SRD5A1: variants seen among roughly 807,000 people sequenced by gnomAD.
SRD5A1 encodes steroid 5 alpha-reductase 1.
SRD5A1 carries 22 observed loss-of-function variants against 28.2 expected under a neutral mutation model. That is an observed-to-expected ratio of 0.78 (90% CI 0.56 to 1.12). The LOEUF is 1.12. Ranked by LOEUF, SRD5A1 falls within the 50% of genes most tolerant of loss-of-function variation. The pLI is 0.00. For synonymous variants in SRD5A1, 151 were observed against 135.0 expected (o/e 1.12, Z -0.82); for missense variants, 300 against 346.7 (o/e 0.87, Z 1.07).
chr5:6,633,490 T>C lies in SRD5A1; in HGVS notation c.-87T>C. On this transcript the variant is annotated 5_prime_UTR_variant, in exon 1 of 5. Transcript: ENST00000274192. Reference sequence around the variant, plus strand: ...GGGACTCCGGTAGCCGCCCCTCCGGTAGCCGCCCCTCCTGCCCCCGCGCCG... The same window carrying C: ...GGGACTCCGGTAGCCGCCCCTCCGGCAGCCGCCCCTCCTGCCCCCGCGCCG... The C allele has an allele frequency of 7.4e-7, 1 of 1,353,066 alleles. No homozygotes were observed. The highest frequency in any genetic ancestry group is 9.5e-7 in the Non-Finnish European group (1 of 1,049,652). The allele number at this position is 1,353,066 out of a possible 1,614,324, so 83.8% of individuals were successfully genotyped here. A position where few individuals can be genotyped will look rare whatever the true frequency, so the allele number is the denominator to read the frequency against.
chr5:6,643,363 G>T (rs1738418332), intron 1 of SRD5A1, among the ~76,000 whole-genome samples: 1 of 152,124 alleles, frequency 6.6e-6, no homozygotes, highest in African/African-American at 2.4e-5. Context: ...GAGTGCAGTG[G>T]CATGATCCTC....
intron 3 of SRD5A1, among the ~76,000 whole-genome samples, chr5:6,659,228 C>T (rs946960295): frequency 1.3e-5 from 2 of 151,986 alleles, no homozygotes; most frequent in African/African-American, 2.4e-5. Context: ...ATTCTCTTGC[C>T]TCAGCCCCCC....
At position 6,670,765 on chromosome 5, in the gene SRD5A1, C is replaced by G. The variant is rs941423165; in HGVS notation, c.*2497C>G. The G allele has an allele frequency of 1.3e-5, 2 of 152,232 alleles. No individual in the cohort carries two copies. The highest frequency in any genetic ancestry group is 4.8e-5 in the African/African-American group (2 of 41,454). 9.4% of individuals were successfully genotyped at this position (152,232 alleles called of 1,614,324 possible). ...TTGTGTCTGATACAGCCATAATCTT[C>G]TCTATCGGCCATTGCTGTAACCAAA... On this transcript the variant is annotated 3_prime_UTR_variant, in exon 5 of 5. Transcript: ENST00000274192.
At chr5:6,662,397 G>C (rs1029698332) in intron 3 of SRD5A1, among the ~76,000 whole-genome samples, 1 of 152,224 alleles carries the variant, frequency 6.6e-6, no homozygotes, top group Non-Finnish European at 1.5e-5. Flanking sequence ...CCCATAATAC[G>C]GACTCAGTGC....
chr5:6,650,674 G>T (rs1738643234), intron 1 of SRD5A1, among the ~76,000 whole-genome samples: 1 of 150,496 alleles, frequency 6.6e-6, no homozygotes. Flanking sequence ...TAAGTTTTAG[G>T]GTACATGTGC....
In SRD5A1 at chr5:6,673,174, C is replaced by A. The variant is rs1739410631; in HGVS notation, c.*4906C>A. ...GATACTTGGCATTAGTATCATTCTC[C>A]ATCACTCTTGAAAGATATATGAAGG... On this transcript the variant is annotated 3_prime_UTR_variant, in exon 5 of 5. Transcript: ENST00000274192. The A allele has an allele frequency of 6.6e-6, 1 of 152,172 alleles. No individual in the cohort carries two copies. The highest frequency in any genetic ancestry group is 2.1e-4 in the South Asian group (1 of 4,836). The allele number at this position is 152,172 out of a possible 1,614,324, so 9.4% of individuals were successfully genotyped here.
chr5:6,636,222 G>C (rs1738181598), intron 1 of SRD5A1, among the ~76,000 whole-genome samples: 2 of 152,138 alleles, frequency 1.3e-5, no homozygotes, highest in Admixed American at 6.5e-5. Flanking sequence ...TCTAAGTCAT[G>C]AGCACTTGGA....
intron 1 of SRD5A1, among the ~76,000 whole-genome samples, chr5:6,638,892 G>T (rs1246171413): frequency 6.6e-6 from 1 of 152,084 alleles, no homozygotes; most frequent in Non-Finnish European, 1.5e-5. Flanking sequence ...CACGTTGTTA[G>T]GGGAAAAAAG....
At chr5:6,657,695 C>T (rs248803) in intron 3 of SRD5A1, among the ~76,000 whole-genome samples, 25,339 of 152,182 alleles carry the variant, frequency 0.17, 2,328 homozygotes, top group East Asian at 0.24. Context: ...GAAAGGGCAT[C>T]CCCAGAGACG....
chr5:6,638,424 G>C (rs911775420), intron 1 of SRD5A1, among the ~76,000 whole-genome samples: 4 of 152,250 alleles, frequency 2.6e-5, no homozygotes, highest in African/African-American at 9.6e-5. Flanking sequence ...TTTGTAAGAC[G>C]TGTTTGCACA....
chr5:6,641,610 T>C (rs907846654), intron 1 of SRD5A1, among the ~76,000 whole-genome samples: 4 of 152,218 alleles, frequency 2.6e-5, no homozygotes, highest in Non-Finnish European at 5.9e-5. Context: ...TCAGGGTTAC[T>C]GGTGTCCCCT....
At chr5:6,641,899 G>A (rs1738371398) in intron 1 of SRD5A1, among the ~76,000 whole-genome samples, 1 of 152,234 alleles carries the variant, frequency 6.6e-6, no homozygotes, top group South Asian at 2.1e-4. Flanking sequence ...GCAAGTTGAT[G>A]TCAAGTTGAT....
Position 6,652,013 on chromosome 5 carries a change from G to A in SRD5A1, c.460+5G>A, listed in dbSNP as rs1209898467. ...CAGATCCCCGTTTTCTAATAGGTGA[G>A]TGTCCACAGCAGTGAACTCCGCCTT... On this transcript the variant is annotated splice_donor_5th_base_variant and intron_variant, in intron 2 of 4. Transcript: ENST00000274192. The A allele has an allele frequency of 6.2e-7, 1 of 1,612,198 alleles. No individual in the cohort carries two copies. Among genetic ancestry groups the A allele is most frequent in the East Asian group, 2.2e-5 (1 of 44,836 alleles).
At chr5:6,659,430 T>C (rs1029009419) in intron 3 of SRD5A1, among the ~76,000 whole-genome samples, 3 of 152,296 alleles carry the variant, frequency 2.0e-5, no homozygotes, top group East Asian at 3.9e-4. Context: ...ATCATTCTTA[T>C]TGTGAATGAT....
At chr5:6,655,669 C>A (rs1322376304) in intron 2 of SRD5A1, among the ~76,000 whole-genome samples, 1 of 152,222 alleles carries the variant, frequency 6.6e-6, no homozygotes. Context: ...AGCATCACCC[C>A]TCCTGGTTCA....
chr5:6,644,708 G>T, intron 1 of SRD5A1: 1 of 367,322 alleles, frequency 2.7e-6, no homozygotes, highest in Non-Finnish European at 5.4e-6. Context: ...AAGGATGTCT[G>T]ATCACAAGAC....
intron 1 of SRD5A1, among the ~76,000 whole-genome samples, chr5:6,636,926 G>A (rs1370651491): frequency 1.3e-5 from 2 of 152,158 alleles, no homozygotes; most frequent in African/African-American, 2.4e-5. Flanking sequence ...GGACAGGGCT[G>A]GGGTGGGGGG....
chr5:6,651,528 C>T (rs959635284), intron 1 of SRD5A1, among the ~76,000 whole-genome samples: 1 of 152,012 alleles, frequency 6.6e-6, no homozygotes, highest in African/African-American at 2.4e-5. Flanking sequence ...AGTGTGGTGG[C>T]ACATGCTTGT....
intron 1 of SRD5A1, among the ~76,000 whole-genome samples, chr5:6,638,359 A>C (rs1039552626): frequency 1.3e-5 from 2 of 152,244 alleles, no homozygotes; most frequent in Non-Finnish European, 2.9e-5. Flanking sequence ...TTCATGAATC[A>C]GCACCAAACC....
Sources: allele counts gnomAD v4.1 joint callset (sites outside exome capture counted in the v4.1 genomes callset), GRCh38; gene constraint gnomAD v4.1.1; transcripts MANE v1.5; gene names NCBI Gene and HGNC (gene_info 2026-07-23, HGNC 2026-07-21).